Variants in TTC34 observed in about 807,000 individuals in gnomAD.
TTC34 encodes the protein tetratricopeptide repeat domain 34.
In TTC34, 44 loss-of-function variants were observed where a neutral mutation model predicts 40.7. That is an observed-to-expected ratio of 1.08 (90% CI 0.85 to 1.39). The LOEUF (loss-of-function observed/expected upper bound fraction) is 1.39. TTC34 is among the 40% of genes most tolerant of loss of function. The pLI is 0.00. For synonymous variants in TTC34, 422 were observed against 398.6 expected, an observed-to-expected ratio of 1.06 and a Z score of -0.70; for missense variants, 884 against 838.0, an observed-to-expected ratio of 1.05 and a Z score of -0.68.
chr1:2,652,448 C>G (rs113900761), intron 6 of TTC34, among the ~76,000 whole-genome samples: 3,133 of 59,806 alleles, frequency 0.052, no homozygotes, highest in African/African-American at 0.066. Flanking sequence ...CCCACACCCC[C>G]AGGTGAGCAT....
rs894606686 is a variant in TTC34 at position 2,644,274 on chromosome 1, C to T, written c.2702G>A (p.Ser901Asn). The change falls in exon 8 of 9, where the codon AGC (serine) becomes AAC (asparagine). Residue 901 changes from serine to asparagine, a missense_variant. By Grantham distance (46) the Ser-to-Asn change is conservative. Transcript: ENST00000401095. ...GGGTTCTTTGGGCACCTGGGCAAGGCTCTGCCGCTCCGAGGCCTCCAGGAG... is the reference window on the plus strand; with the variant it reads ...GGGTTCTTTGGGCACCTGGGCAAGGTTCTGCCGCTCCGAGGCCTCCAGGAG... 6.6e-5 allele frequency: 102 copies of T among 1,534,018 alleles called. No individual in the cohort carries two copies. Among genetic ancestry groups the T allele is most frequent in the Non-Finnish European group, 7.5e-5 (86 of 1,146,100 alleles).
At chr1:2,764,120 A>G (rs1258880620) in intron 6 of TTC34, among the ~76,000 whole-genome samples, 2 of 143,822 alleles carry the variant, frequency 1.4e-5, no homozygotes, top group African/African-American at 5.2e-5. Context: ...AGGATCTGAC[A>G]GCCTGGAACA....
chr1:2,681,961 T>C (rs1289698433), intron 6 of TTC34, among the ~76,000 whole-genome samples: 2 of 112,440 alleles, frequency 1.8e-5, no homozygotes, highest in African/African-American at 3.6e-5. Flanking sequence ...GGCGAGCATC[T>C]GACGGCCTGG....
At chr1:2,650,604 G>A (rs920882910) in intron 6 of TTC34, among the ~76,000 whole-genome samples, 4 of 149,096 alleles carry the variant, frequency 2.7e-5, no homozygotes, top group Non-Finnish European at 5.9e-5. Context: ...GAATCTGACA[G>A]CCTGGATCAG....
intron 6 of TTC34, among the ~76,000 whole-genome samples, chr1:2,768,519 G>A (rs967967654): frequency 1.3e-5 from 2 of 151,590 alleles, no homozygotes; most frequent in African/African-American, 2.4e-5. Flanking sequence ...GTGTCTGACA[G>A]CCTGGAACAG....
chr1:2,688,010 C>G (rs372565337), intron 6 of TTC34, among the ~76,000 whole-genome samples: 3 of 130,338 alleles, frequency 2.3e-5, no homozygotes, highest in Admixed American at 7.8e-5. Context: ...CCCACACCCC[C>G]AGGCGAGCAT....
At position 2,647,290 on chromosome 1, in the gene TTC34, C is replaced by T. The variant is rs78791115; in HGVS notation, c.2227-1727G>A. Among the ~76,000 whole-genome samples the T allele has an allele frequency of 5.2e-3, 786 of 152,220 alleles. 16 individuals are homozygous for T. Among genetic ancestry groups the T allele is most frequent in the East Asian group, 0.034 (175 of 5,186 alleles). Reference sequence around the variant, plus strand: ...GCTAGATGGCCTGAAATTGTCCCACCGGTCACTGAAGGTTTCTTCATTTAT... The same window carrying T: ...GCTAGATGGCCTGAAATTGTCCCACTGGTCACTGAAGGTTTCTTCATTTAT... On this transcript the variant is annotated intron_variant, in intron 6 of 8. Coordinates refer to ENST00000401095, the Ensembl canonical transcript of TTC34.
intron 6 of TTC34, among the ~76,000 whole-genome samples, chr1:2,769,682 GC>G (rs1641985872): frequency 1.5e-5 from 2 of 133,430 alleles, no homozygotes; most frequent in African/African-American, 6.2e-5. Context: ...CCCCAGGGGA[GC>G]ATCTGACAGT....
chr1:2,787,526 C>T (rs1053996176), exon 4 of TTC34: 6 of 1,528,554 alleles, frequency 3.9e-6, no homozygotes, highest in Admixed American at 2.1e-5. Context: ...GCAGCAGGGC[C>T]AGTCGTGCCA....
At chr1:2,651,026 G>A (rs1183300560) in intron 6 of TTC34, among the ~76,000 whole-genome samples, 7 of 138,972 alleles carry the variant, frequency 5.0e-5, no homozygotes, top group African/African-American at 8.3e-5. Context: ...AGCACTCCAC[G>A]CCTTCGGGGG....
intron 6 of TTC34, among the ~76,000 whole-genome samples, chr1:2,778,543 A>G (rs1181369441): frequency 6.6e-6 from 1 of 152,138 alleles, no homozygotes; most frequent in Non-Finnish European, 1.5e-5. Context: ...TTAGCTGTTT[A>G]TGGGCTGGAG....
At chr1:2,759,699 G>T (rs1641630719) in intron 6 of TTC34, among the ~76,000 whole-genome samples, 2 of 117,138 alleles carry the variant, frequency 1.7e-5, no homozygotes, top group African/African-American at 3.8e-5. Flanking sequence ...GCATCCGACA[G>T]CCTGGAGCAG....
intron 6 of TTC34, among the ~76,000 whole-genome samples, chr1:2,769,763 C>G (rs1418860895): frequency 2.0e-5 from 1 of 50,536 alleles, no homozygotes; most frequent in Non-Finnish European, 4.3e-5. Context: ...CCCAGGTGAG[C>G]ATCTGACAGC....
intron 2 of TTC34, among the ~76,000 whole-genome samples, chr1:2,791,271 C>G (rs925038567): frequency 1.3e-5 from 2 of 152,206 alleles, no homozygotes; most frequent in Non-Finnish European, 2.9e-5. Flanking sequence ...ATACTCCGTG[C>G]TGGGCGGGCT....
intron 2 of TTC34, among the ~76,000 whole-genome samples, chr1:2,794,258 C>T (rs1311610978): frequency 2.6e-5 from 4 of 152,302 alleles, no homozygotes; most frequent in Middle Eastern, 3.4e-3. Flanking sequence ...CCTCCTGTTT[C>T]AGCCTCCAAA....
chr1:2,752,975 C>G (rs1348861376), intron 6 of TTC34, among the ~76,000 whole-genome samples: 2 of 144,240 alleles, frequency 1.4e-5, no homozygotes, highest in Admixed American at 6.9e-5. Context: ...ACACCCATAC[C>G]CCCAGGTGAG....
chr1:2,777,693 G>GGT (rs1553168954), intron 6 of TTC34, among the ~76,000 whole-genome samples: 13 of 151,940 alleles, frequency 8.6e-5, no homozygotes, highest in South Asian at 4.2e-4. Context: ...GGGCATGGGG[G>GGT]GGGGGGCGCA....
chr1:2,748,035 T>A (rs1416031675), intron 6 of TTC34, among the ~76,000 whole-genome samples: 1 of 36,842 alleles, frequency 2.7e-5, no homozygotes, highest in Non-Finnish European at 4.3e-5. Flanking sequence ...AACAGCACCC[T>A]GCACACCCAG....
chr1:2,778,278 C>T (rs140376550), intron 6 of TTC34, among the ~76,000 whole-genome samples: 9 of 152,234 alleles, frequency 5.9e-5, no homozygotes, highest in African/African-American at 9.6e-5. Flanking sequence ...TTTTACCCAG[C>T]GAAGCATCAG....
Sources: gnomAD v4.1 joint callset for allele counts (sites outside exome capture counted in the v4.1 genomes callset) on GRCh38, gnomAD v4.1.1 for gene constraint, MANE v1.5 for transcripts, NCBI Gene and HGNC (gene_info 2026-07-23, HGNC 2026-07-21) for gene names.